The following LRRC28 variants were observed in gnomAD, a reference collection of about 807,000 sequenced individuals.
LRRC28 encodes leucine-rich repeat-containing protein 28.
Under a neutral mutation model 45.7 loss-of-function variants are expected in LRRC28, and 39 were observed. The observed-to-expected ratio is 0.85, with a 90% CI of 0.66 to 1.12. The LOEUF (loss-of-function observed/expected upper bound fraction) is 1.12. Among genes scored for constraint, LRRC28 ranks in the 50% most tolerant of loss-of-function variants. LRRC28 has a pLI of 0.00. For missense variants in LRRC28, 435 were observed against 438.5 expected (o/e 0.99, Z 0.07); for synonymous variants, 206 against 178.8 (o/e 1.15, Z -1.22).
chr15:99,261,814 C>T (rs538759938), intron 2 of LRRC28, among the ~76,000 whole-genome samples: 3 of 152,138 alleles, frequency 2.0e-5, no homozygotes, highest in South Asian at 2.1e-4. Context: ...TGCACCACCA[C>T]GCCCGGCTAA....
intron 9 of LRRC28, among the ~76,000 whole-genome samples, chr15:99,378,300 A>T (rs1446412616): frequency 1.3e-5 from 2 of 152,114 alleles, no homozygotes; most frequent in Non-Finnish European, 2.9e-5. Context: ...ATTCTCTTTG[A>T]AGCAATTGTG....
At chr15:99,364,872 T>C (rs954825914) in intron 9 of LRRC28, among the ~76,000 whole-genome samples, 1 of 152,252 alleles carries the variant, frequency 6.6e-6, no homozygotes, top group Non-Finnish European at 1.5e-5. Context: ...ATTTCTTATT[T>C]TTGCTGTGTT....
chr15:99,352,351 C>G lies in LRRC28; in HGVS notation c.593-18C>G, dbSNP rs1956909253. The G allele has an allele frequency of 6.4e-7, 1 of 1,572,168 alleles. No individual in the cohort carries two copies. Among genetic ancestry groups the G allele is most frequent in the South Asian group, 1.1e-5 (1 of 89,192 alleles). ...GTGCCTGTATATAGGAATTACAGCA[C>G]TTTTCTTTCTAATCCAGATTTAGGT... is the stretch of plus-strand genomic sequence containing the variant. On this transcript the variant is annotated intron_variant, in intron 6 of 9. Transcript: ENST00000301981.
chr15:99,263,335 AAAG>A (rs1479318868), intron 2 of LRRC28, among the ~76,000 whole-genome samples: 6 of 151,826 alleles, frequency 4.0e-5, no homozygotes, highest in African/African-American at 4.8e-5. Context: ...AAAAAAAAAA[AAAG>A]AAGTAGTTAA....
At chr15:99,376,067 C>T (rs552738078) in intron 9 of LRRC28, among the ~76,000 whole-genome samples, 1 of 152,152 alleles carries the variant, frequency 6.6e-6, no homozygotes, top group African/African-American at 2.4e-5. Flanking sequence ...ATAATCTAGG[C>T]TTCTTTGTAA....
At chr15:99,307,940 G>T (rs759251317) in intron 5 of LRRC28, among the ~76,000 whole-genome samples, 92 of 152,190 alleles carry the variant, frequency 6.0e-4, no homozygotes, top group Non-Finnish European at 1.2e-3. Flanking sequence ...AGGTTTAAAA[G>T]AATGACTCAG....
chr15:99,290,173 T>C (rs534759551), intron 5 of LRRC28, among the ~76,000 whole-genome samples: 2 of 149,920 alleles, frequency 1.3e-5, no homozygotes, highest in East Asian at 4.0e-4. Flanking sequence ...ACAGGAGAAC[T>C]GCTTGAACCT....
chr15:99,361,322 G>C lies in LRRC28; in HGVS notation c.696-14G>C. 6.2e-7 allele frequency: 1 copy of C among 1,605,656 alleles called. No homozygotes were observed. Among genetic ancestry groups the C allele is most frequent in the Non-Finnish European group, 8.5e-7 (1 of 1,176,720 alleles). ...TTATTGCTAATAATACTGTGAATGT[G>C]TGTCTTTCTGCAGCTGTGGTGCTCC... On this transcript the variant is annotated splice_polypyrimidine_tract_variant and intron_variant, in intron 7 of 9. Transcript: ENST00000301981.
At chr15:99,269,932 G>A (rs1458911563) in intron 2 of LRRC28, among the ~76,000 whole-genome samples, 7 of 152,130 alleles carry the variant, frequency 4.6e-5, no homozygotes, top group Non-Finnish European at 2.9e-5. Context: ...TTATGCTACT[G>A]GGGAAGAAGA....
intron 9 of LRRC28, among the ~76,000 whole-genome samples, chr15:99,378,899 C>T (rs1957727514): frequency 6.6e-6 from 1 of 152,110 alleles, no homozygotes; most frequent in African/African-American, 2.4e-5. Context: ...CCCACTTGAT[C>T]ATGGTGGATA....
chr15:99,258,235 A>T, intron 2 of LRRC28: 1 of 1,597,710 alleles, frequency 6.3e-7, no homozygotes, highest in South Asian at 1.1e-5. Context: ...TCTTCCTTGT[A>T]GCAGATAAGG....
At chr15:99,287,987 C>G (rs1418729713) in intron 5 of LRRC28, 36 bp downstream of exon 5, 1 of 1,559,716 alleles carries the variant, frequency 6.4e-7, no homozygotes, top group Non-Finnish European at 8.7e-7. Flanking sequence ...AGTTTCTTGT[C>G]TATTATAAAT....
intron 5 of LRRC28, among the ~76,000 whole-genome samples, chr15:99,307,277 G>C (rs1448326464): frequency 6.6e-6 from 1 of 152,208 alleles, no homozygotes; most frequent in Admixed American, 6.5e-5. Context: ...ACTGGCTACA[G>C]TGCAGAACAA....
At chr15:99,353,292 A>G (rs1222987504) in intron 7 of LRRC28, among the ~76,000 whole-genome samples, 2 of 152,294 alleles carry the variant, frequency 1.3e-5, no homozygotes, top group East Asian at 3.9e-4. Flanking sequence ...ATCATCCTGC[A>G]TGACTTGGCC....
At chr15:99,265,269 C>T (rs2081302079) in intron 2 of LRRC28, among the ~76,000 whole-genome samples, 1 of 152,026 alleles carries the variant, frequency 6.6e-6, no homozygotes, top group African/African-American at 2.4e-5. Context: ...GGATGCAGTA[C>T]AAGTAGAGAG....
chr15:99,283,482 G>A (rs1318105339), intron 3 of LRRC28, among the ~76,000 whole-genome samples: 2 of 151,414 alleles, frequency 1.3e-5, no homozygotes, highest in Non-Finnish European at 2.9e-5. Flanking sequence ...CGGGTGTGGT[G>A]GTGCGCACCT....
At chr15:99,313,462 G>A (rs1006947025) in intron 5 of LRRC28, among the ~76,000 whole-genome samples, 1 of 151,864 alleles carries the variant, frequency 6.6e-6, no homozygotes, top group African/African-American at 2.4e-5. Context: ...CAAGCAGAAG[G>A]CATTATTCTT....
chr15:99,275,192 T>C (rs1429772442), intron 2 of LRRC28, among the ~76,000 whole-genome samples: 1 of 152,222 alleles, frequency 6.6e-6, no homozygotes, highest in Non-Finnish European at 1.5e-5. Context: ...ACAGGAGGCT[T>C]TCTCCACTAC....
chr15:99,375,414 T>G (rs1957599700), intron 9 of LRRC28, among the ~76,000 whole-genome samples: 1 of 152,234 alleles, frequency 6.6e-6, no homozygotes, highest in Non-Finnish European at 1.5e-5. Flanking sequence ...TGAAAGATAC[T>G]GGTCTGTAAT....
Sources: allele counts gnomAD v4.1 joint callset (sites outside exome capture counted in the v4.1 genomes callset), GRCh38; gene constraint gnomAD v4.1.1; transcripts MANE v1.5; gene names NCBI Gene and HGNC (gene_info 2026-07-23, HGNC 2026-07-21).